CC2D2A: variants seen among roughly 807,000 people sequenced by gnomAD.
The protein encoded by CC2D2A is coiled-coil and C2 domain-containing protein 2A.
Under a neutral mutation model 212.9 loss-of-function variants are expected in CC2D2A, and 155 were observed. The ratio of observed to expected loss-of-function variants is 0.73; its 90% CI spans 0.64 to 0.83. The LOEUF is 0.83. Among genes scored for constraint, CC2D2A ranks in the 40% least tolerant of loss-of-function variants. The pLI is 0.00. For synonymous variants in CC2D2A, 667 were observed against 686.5 expected (o/e 0.97, Z 0.44); for missense variants, 1,856 against 1,956.2 (o/e 0.95, Z 0.97).
At chr4:15,529,185 G>A (rs912640301) in intron 13 of CC2D2A, among the ~76,000 whole-genome samples, 2 of 152,142 alleles carry the variant, frequency 1.3e-5, no homozygotes, top group Admixed American at 6.5e-5. Context: ...GGTGAGGACA[G>A]TTTGAAGCCA....
intron 11 of CC2D2A, among the ~76,000 whole-genome samples, chr4:15,522,216 T>C (rs1717247206): frequency 6.6e-6 from 1 of 152,140 alleles, no homozygotes; most frequent in Admixed American, 6.5e-5. Context: ...AATACATGCA[T>C]ACATGCATAC....
intron 34 of CC2D2A, 86 bp downstream of exon 34, chr4:15,596,293 G>C: frequency 7.9e-7 from 1 of 1,266,706 alleles, no homozygotes; most frequent in Non-Finnish European, 1.0e-6. Context: ...TTACCCCTGG[G>C]TAGTCTAGAA....
At chr4:15,479,197 A>C in intron 3 of CC2D2A, 1 of 1,516,180 alleles carries the variant, frequency 6.6e-7, no homozygotes, top group Non-Finnish European at 8.9e-7. Flanking sequence ...TTCCAACTCC[A>C]AGCCCAAATT....
chr4:15,583,965 G>A (rs1486693243), intron 30 of CC2D2A, among the ~76,000 whole-genome samples: 93 of 110,576 alleles, frequency 8.4e-4, no homozygotes, highest in Non-Finnish European at 1.2e-3. Context: ...AAAAAAAAAA[G>A]AAAAGAAAAG....
chr4:15,567,864 T>A (rs1719965638), intron 26 of CC2D2A, 78 bp downstream of exon 26: 6 of 1,037,828 alleles, frequency 5.8e-6, no homozygotes, highest in Non-Finnish European at 8.3e-6. Context: ...GAGAAACGGC[T>A]AAGGTGAAGG....
At chr4:15,554,000 C>T (rs1719139433) in intron 19 of CC2D2A, among the ~76,000 whole-genome samples, 1 of 152,220 alleles carries the variant, frequency 6.6e-6, no homozygotes, top group Non-Finnish European at 1.5e-5. Context: ...CACAGGCTGT[C>T]ATGTTCAACT....
Position 15,601,219 on chromosome 4 carries a change from A to T in CC2D2A, c.4675-18A>T. The T allele has an allele frequency of 6.3e-7, 1 of 1,599,990 alleles. No homozygotes were observed. Reference sequence around the variant, plus strand: ...TCTTCAAACTTCACTAATGACTACAAATGTTTTTTCCCTTCAGTTCTCTGG... The same window carrying T: ...TCTTCAAACTTCACTAATGACTACATATGTTTTTTCCCTTCAGTTCTCTGG... On this transcript the variant is annotated intron_variant, in intron 36 of 36. Transcript: ENST00000424120.
rs1431379984 is a variant in CC2D2A at position 15,479,246 on chromosome 4, C to T, written c.123+440C>T. The T allele has an allele frequency of 2.0e-6, 3 of 1,537,226 alleles. No homozygotes were observed. The highest frequency in any genetic ancestry group is 2.0e-5 in the Admixed American group (1 of 51,000). ...AGAAGCCAACTCCTTTCTCCCGAGC[C>T]TGCTGGCAGATCCTCCCCCACCTCT... On this transcript the variant is annotated intron_variant, in intron 3 of 36. Coordinates refer to ENST00000424120, the MANE Select transcript of CC2D2A (RefSeq NM_001378615.1).
At chr4:15,549,368 G>A (rs549815470) in intron 17 of CC2D2A, among the ~76,000 whole-genome samples, 1 of 152,296 alleles carries the variant, frequency 6.6e-6, no homozygotes, top group East Asian at 1.9e-4. Flanking sequence ...GCAAAATTAA[G>A]TCTGGGGTCC....
In CC2D2A at chr4:15,574,280, T is replaced by C. The variant is rs1419978989; in HGVS notation, c.3725T>C (p.Ile1242Thr). The stretch of plus-strand genomic sequence containing the variant: ...GAAGGCTCCTACATTACCCTCTTTA[T>C]TACCATTGAGCCCCAGCTGGTTCCT... ...LSEGSYITLF[I>T]TIEPQLVPGE... Residue 1242 changes from isoleucine to threonine, a missense_variant, in exon 29 of 37, where the codon ATT (isoleucine) becomes ACT (threonine). By Grantham distance (89) the Ile-to-Thr change is moderately conservative. This residue lies in a region of CC2D2A where 1,512 missense variants were observed against 1,579.3 expected (regional missense o/e 0.96). Transcript: ENST00000424120. The C allele has an allele frequency of 1.3e-6, 2 of 1,551,528 alleles. No individual in the cohort carries two copies. Among genetic ancestry groups the C allele is most frequent in the Admixed American group, 2.0e-5 (1 of 50,994 alleles).
chr4:15,473,290 G>A (rs1452192550), intron 1 of CC2D2A: 1 of 152,194 alleles, frequency 6.6e-6, no homozygotes, highest in African/African-American at 2.4e-5. Flanking sequence ...TAAGTACTGT[G>A]AAAAAATCAT....
At position 15,510,245 on chromosome 4, in the gene CC2D2A, G is replaced by T; in HGVS notation, c.540+5G>T. On this transcript the variant is annotated splice_donor_5th_base_variant and intron_variant, in intron 7 of 36. Transcript: ENST00000424120. ...AAAATCAAGCCTAAACCCCAGGTGAGAAATCTTGTTTTTTAAAATCATTTG... is the reference window on the plus strand; with the variant it reads ...AAAATCAAGCCTAAACCCCAGGTGATAAATCTTGTTTTTTAAAATCATTTG... The T allele has an allele frequency of 6.2e-7, 1 of 1,604,102 alleles. No individual in the cohort carries two copies. Among genetic ancestry groups the T allele is most frequent in the South Asian group, 1.1e-5 (1 of 89,360 alleles).
chr4:15,544,978 G>A (rs966505748), intron 17 of CC2D2A, among the ~76,000 whole-genome samples: 1 of 152,194 alleles, frequency 6.6e-6, no homozygotes, highest in Non-Finnish European at 1.5e-5. Context: ...AATTAAGGGA[G>A]TTTTGACTAA....
intron 11 of CC2D2A, among the ~76,000 whole-genome samples, chr4:15,520,864 C>T (rs1194667355): frequency 6.6e-6 from 1 of 152,130 alleles, no homozygotes; most frequent in African/African-American, 2.4e-5. Flanking sequence ...TTGCAGGTAA[C>T]CTGGACTAAG....
intron 11 of CC2D2A, among the ~76,000 whole-genome samples, chr4:15,520,890 C>T (rs1336601096): frequency 6.6e-6 from 1 of 152,186 alleles, no homozygotes; most frequent in Non-Finnish European, 1.5e-5. Flanking sequence ...TGGGCTCCAG[C>T]TGACTCTCCA....
chr4:15,478,489 G>T (rs913199342), intron 2 of CC2D2A, among the ~76,000 whole-genome samples: 6 of 152,206 alleles, frequency 3.9e-5, no homozygotes, highest in Admixed American at 6.5e-5. Flanking sequence ...AACAATGGAA[G>T]ATCCAACATC....
chr4:15,494,569 A>G (rs915142666), intron 4 of CC2D2A, among the ~76,000 whole-genome samples: 3 of 152,216 alleles, frequency 2.0e-5, no homozygotes, highest in African/African-American at 7.2e-5. Flanking sequence ...ATTTCATAAA[A>G]ATTAGAAAAT....
chr4:15,513,763 TG>T (rs1228049770), intron 8 of CC2D2A, among the ~76,000 whole-genome samples: 4 of 152,252 alleles, frequency 2.6e-5, no homozygotes, highest in African/African-American at 9.6e-5. Context: ...CACTGCCATC[TG>T]GTGATCTTTC....
chr4:15,532,346 C>G (rs1233468612), intron 13 of CC2D2A, among the ~76,000 whole-genome samples: 1 of 152,184 alleles, frequency 6.6e-6, no homozygotes, highest in African/African-American at 2.4e-5. Context: ...TAAGTCATCA[C>G]ACGTACAACC....
Sources: gnomAD v4.1 joint callset for allele counts (sites outside exome capture counted in the v4.1 genomes callset) on GRCh38, gnomAD v4.1.1 for gene constraint, gnomAD v4.1.1 regional missense constraint, MANE v1.5 for transcripts, NCBI Gene and HGNC (gene_info 2026-07-23, HGNC 2026-07-21) for gene names.